CNBD1: variants seen among roughly 807,000 people sequenced by gnomAD.
CNBD1 encodes the protein cyclic nucleotide-binding domain-containing protein 1.
CNBD1 carries 71 observed loss-of-function variants against 54.4 expected under a neutral mutation model. The ratio of observed to expected loss-of-function variants is 1.30; its 90% CI spans 1.08 to 1.59. The LOEUF is 1.59. CNBD1 is among the 40% of genes most tolerant of loss of function. The probability of loss-of-function intolerance (pLI) is 0.00; values close to 1 mark genes in which losing one functional copy is unlikely to be tolerated. For synonymous variants in CNBD1, 182 were observed against 170.7 expected (o/e 1.07, Z -0.51); for missense variants, 659 against 518.0 (o/e 1.27, Z -2.64).
At chr8:86,880,777 A>G (rs902336452) in intron 1 of CNBD1, among the ~76,000 whole-genome samples, 14 of 152,202 alleles carry the variant, frequency 9.2e-5, no homozygotes, top group African/African-American at 3.4e-4. Context: ...AAAATCCTCA[A>G]CAAAATATCG....
At chr8:87,134,884 CAGG>C (rs1183272042) in intron 4 of CNBD1, among the ~76,000 whole-genome samples, 2 of 152,032 alleles carry the variant, frequency 1.3e-5, no homozygotes, top group African/African-American at 2.4e-5. Flanking sequence ...GCTGGGATTA[CAGG>C]CGTGAGCCAC....
intron 2 of CNBD1, among the ~76,000 whole-genome samples, chr8:87,417,168 TAATCAA>T (rs1159716664): frequency 1.3e-5 from 2 of 151,868 alleles, no homozygotes; most frequent in Admixed American, 1.3e-4. Context: ...GGAGGCCTCA[TAATCAA>T]GGTGGAAGGT....
chr8:87,077,886 A>G lies in CNBD1; in HGVS notation c.432-128107A>G, dbSNP rs541559419. 3.9e-5 allele frequency among the ~76,000 whole-genome samples: 6 copies of G among 152,194 alleles called. No homozygotes were observed. The South Asian group carries it at 1.2e-3, about 32-fold the overall frequency. The stretch of plus-strand genomic sequence containing the variant: ...AGTGCTGCAATAAACACACGTGTGC[A>G]TGTGTCTTTATAGTATCATGATTTA... On this transcript the variant is annotated intron_variant, in intron 4 of 10. Coordinates refer to ENST00000518476, the MANE Select transcript of CNBD1 (RefSeq NM_173538.3).
chr8:86,935,059 A>G (rs4451326), intron 3 of CNBD1, among the ~76,000 whole-genome samples: 83,976 of 151,144 alleles, frequency 0.56, 23,472 homozygotes, highest in South Asian at 0.6. Flanking sequence ...ATTTTGAGAC[A>G]GAGTCTTGCT....
At chr8:86,875,946 G>A (rs1368138389) in intron 1 of CNBD1, among the ~76,000 whole-genome samples, 10 of 151,984 alleles carry the variant, frequency 6.6e-5, no homozygotes. Context: ...ATGTTGCCGG[G>A]CACTATACCC....
chr8:87,229,619 G>A (rs918909401), intron 5 of CNBD1, among the ~76,000 whole-genome samples: 1 of 151,910 alleles, frequency 6.6e-6, no homozygotes, highest in African/African-American at 2.4e-5. Context: ...TGTAAATTCA[G>A]TTTCAGCCAA....
intron 4 of CNBD1, among the ~76,000 whole-genome samples, chr8:87,089,987 TC>T (rs1463024362): frequency 2.6e-5 from 4 of 152,102 alleles, no homozygotes; most frequent in African/African-American, 9.6e-5. Context: ...TTATTGTATT[TC>T]CATGAATACA....
At chr8:87,268,467 C>A (rs927421500) in intron 6 of CNBD1, among the ~76,000 whole-genome samples, 6 of 151,956 alleles carry the variant, frequency 3.9e-5, no homozygotes, top group African/African-American at 9.7e-5. Context: ...GGTATATACC[C>A]AGTAGTGGGA....
At chr8:87,008,169 G>T (rs1809141797) in intron 4 of CNBD1, among the ~76,000 whole-genome samples, 1 of 152,086 alleles carries the variant, frequency 6.6e-6, no homozygotes, top group African/African-American at 2.4e-5. Flanking sequence ...GTTTTTTCCA[G>T]TGCCAATTCA....
At chr8:87,149,065 T>C (rs1010485127) in intron 4 of CNBD1, among the ~76,000 whole-genome samples, 1 of 152,192 alleles carries the variant, frequency 6.6e-6, no homozygotes, top group East Asian at 1.9e-4. Context: ...ATGCTTTGAA[T>C]CAATGGGGCA....
intron 8 of CNBD1, among the ~76,000 whole-genome samples, chr8:87,316,667 A>G (rs1406498867): frequency 6.6e-6 from 1 of 151,890 alleles, no homozygotes; most frequent in Non-Finnish European, 1.5e-5. Context: ...GCACAGGTTA[A>G]ATAACTTATG....
At chr8:87,382,321 T>A (rs1355357147) in intron 10 of CNBD1, among the ~76,000 whole-genome samples, 1 of 151,798 alleles carries the variant, frequency 6.6e-6, no homozygotes, top group South Asian at 2.1e-4. Context: ...ATTTAAAATA[T>A]CAGCAAGAAA....
In CNBD1 at chr8:86,887,752, G is replaced by A. The variant is rs1192501969; in HGVS notation, c.158+141G>A. The A allele has an allele frequency of 5.2e-6, 3 of 580,450 alleles. No individual in the cohort carries two copies. The Admixed American group carries it at 1.1e-4, about 21-fold the overall frequency. 36.0% of individuals were successfully genotyped at this position (580,450 alleles called of 1,614,324 possible). ...CACAGATAAAAACAGTTGAAAACCT[G>A]GGGGTTATTTCTTCAGATTGAAGGG... On this transcript the variant is annotated intron_variant, in intron 2 of 10. Transcript: ENST00000518476.
intron 4 of CNBD1, among the ~76,000 whole-genome samples, chr8:87,033,183 G>T (rs1349806998): frequency 6.6e-6 from 1 of 152,108 alleles, no homozygotes; most frequent in African/African-American, 2.4e-5. Context: ...TTTATATCAG[G>T]GTTTTCTTCC....
chr8:86,898,964 G>A (rs949890968), intron 2 of CNBD1, among the ~76,000 whole-genome samples: 8 of 152,052 alleles, frequency 5.3e-5, no homozygotes, highest in African/African-American at 1.9e-4. Flanking sequence ...AAAAAATGTG[G>A]TTTATATACC....
chr8:86,941,137 A>G (rs921810979), intron 4 of CNBD1, among the ~76,000 whole-genome samples: 1 of 152,210 alleles, frequency 6.6e-6, no homozygotes, highest in Non-Finnish European at 1.5e-5. Context: ...TCAGATTTTT[A>G]TACTCTTAAC....
At chr8:87,416,855 T>C (rs951458516) in intron 2 of CNBD1, among the ~76,000 whole-genome samples, 3 of 151,996 alleles carry the variant, frequency 2.0e-5, no homozygotes, top group Non-Finnish European at 4.4e-5. Context: ...CAACATTTTA[T>C]AAATATGGAT....
chr8:87,424,609 T>C (rs1393267129), intron 2 of CNBD1, among the ~76,000 whole-genome samples: 2 of 152,120 alleles, frequency 1.3e-5, no homozygotes, highest in Non-Finnish European at 2.9e-5. Flanking sequence ...TAATCCTGAG[T>C]TCTAGTTTGA....
intron 4 of CNBD1, among the ~76,000 whole-genome samples, chr8:86,962,172 G>A (rs773546032): frequency 4.6e-5 from 7 of 152,156 alleles, no homozygotes; most frequent in Non-Finnish European, 1.0e-4. Context: ...GACTTCAGAG[G>A]TTATCTTGGG....
Sources: allele counts gnomAD v4.1 joint callset (sites outside exome capture counted in the v4.1 genomes callset), GRCh38; gene constraint gnomAD v4.1.1; transcripts MANE v1.5; gene names NCBI Gene and HGNC (gene_info 2026-07-23, HGNC 2026-07-21).